The following GLI3 variants were observed in gnomAD, a reference collection of about 807,000 sequenced individuals.
GLI3 encodes the protein GLI family zinc finger 3, also known as transcription activator GLI3.
GLI3 carries 20 observed loss-of-function variants against 100.8 expected under a neutral mutation model. That is an observed-to-expected ratio of 0.20 (90% CI 0.14 to 0.29). The LOEUF is 0.29. GLI3 is among the 10% of genes least tolerant of loss of function. The pLI is 1.00. For synonymous variants in GLI3, 938 were observed against 860.5 expected (o/e 1.09, Z -1.58); for missense variants, 2,040 against 2,128.5 (o/e 0.96, Z 0.82).
chr7:41,996,288 A>T lies in GLI3; in HGVS notation c.1498-17540T>A, dbSNP rs142782326. 8.7e-3 allele frequency among the ~76,000 whole-genome samples: 1,309 copies of T among 150,692 alleles called. 10 individuals carry two copies. The highest frequency in any genetic ancestry group is 0.03 in the African/African-American group (1,230 of 41,044). The stretch of plus-strand genomic sequence containing the variant: ...TTAAAAATTATTTGTTGGAACAATT[A>T]TTTTTTTTTTCCTCGAGTCCACATT... On this transcript the variant is annotated intron_variant, in intron 10 of 14. Coordinates refer to ENST00000395925, the MANE Select transcript of GLI3 (RefSeq NM_000168.6).
At position 42,096,561 on chromosome 7, in the gene GLI3, C is replaced by T. The variant is rs3779147; in HGVS notation, c.368-19704G>A. ...TTCAGCCTGAAGGACGCATTCAAAG[C>T]GGTCACACCTTTGCTGCCCACTGGC... On this transcript the variant is annotated intron_variant, in intron 3 of 14. Coordinates refer to ENST00000395925, the MANE Select transcript of GLI3 (RefSeq NM_000168.6). Among the ~76,000 whole-genome samples the T allele has an allele frequency of 5.1e-3, 771 of 152,268 alleles. 12 individuals carry two copies. Among genetic ancestry groups the T allele is most frequent in the East Asian group, 0.048 (248 of 5,174 alleles).
chr7:42,179,759 G>C (rs1787554000), intron 2 of GLI3, among the ~76,000 whole-genome samples: 1 of 152,180 alleles, frequency 6.6e-6, no homozygotes, highest in Non-Finnish European at 1.5e-5. Context: ...AGGGAGTGGG[G>C]AATATGGTTC....
intron 2 of GLI3, among the ~76,000 whole-genome samples, chr7:42,217,488 C>A (rs969572174): frequency 6.6e-6 from 1 of 152,152 alleles, no homozygotes; most frequent in African/African-American, 2.4e-5. Flanking sequence ...ACCACCAGTT[C>A]AACCCAGGAA....
chr7:42,073,671 C>G (rs1784826146), intron 4 of GLI3, among the ~76,000 whole-genome samples: 1 of 152,160 alleles, frequency 6.6e-6, no homozygotes, highest in Admixed American at 6.5e-5. Flanking sequence ...TTCTTCTAAA[C>G]AGAGATCTGT....
chr7:42,022,836 A>G (rs950352037), intron 10 of GLI3, among the ~76,000 whole-genome samples: 1 of 152,172 alleles, frequency 6.6e-6, no homozygotes, highest in Non-Finnish European at 1.5e-5. Context: ...GTGTGTAAAA[A>G]TTTCTGAACC....
chr7:42,000,532 G>T (rs1380289451), intron 10 of GLI3, among the ~76,000 whole-genome samples: 1 of 152,108 alleles, frequency 6.6e-6, no homozygotes, highest in African/African-American at 2.4e-5. Flanking sequence ...GGACAAGGGG[G>T]AGGACCACTA....
intron 10 of GLI3, among the ~76,000 whole-genome samples, chr7:41,991,221 T>A (rs1787979236): frequency 6.6e-6 from 1 of 152,192 alleles, no homozygotes; most frequent in Admixed American, 6.5e-5. Flanking sequence ...CAATTAAAAG[T>A]AAGCTACTCA....
intron 1 of GLI3, among the ~76,000 whole-genome samples, chr7:42,229,798 C>T (rs1338168741): frequency 6.6e-6 from 1 of 151,906 alleles, no homozygotes; most frequent in Non-Finnish European, 1.5e-5. Flanking sequence ...TCAAGAAGTA[C>T]AAACTAATGT....
chr7:42,217,624 G>T (rs935174184), intron 2 of GLI3, among the ~76,000 whole-genome samples: 1 of 152,062 alleles, frequency 6.6e-6, no homozygotes, highest in African/African-American at 2.4e-5. Flanking sequence ...CCTATTTTCC[G>T]ATTTAAGAAG....
chr7:42,169,519 T>C (rs1262475759), intron 2 of GLI3, among the ~76,000 whole-genome samples: 2 of 152,228 alleles, frequency 1.3e-5, no homozygotes, highest in Non-Finnish European at 2.9e-5. Flanking sequence ...TTGGTGCATG[T>C]TGAATACTCA....
chr7:41,999,236 A>G (rs1005294817), intron 10 of GLI3, among the ~76,000 whole-genome samples: 5 of 152,180 alleles, frequency 3.3e-5, no homozygotes, highest in African/African-American at 1.2e-4. Context: ...AAAGTGACCT[A>G]GGACACCTGC....
chr7:42,048,642 G>A lies in GLI3; in HGVS notation c.528C>T (p.Ile176=), dbSNP rs539622820. 17 of 1,610,934 alleles carry A rather than the reference G, an allele frequency of 1.1e-5. No homozygotes were observed. In the Admixed American group the frequency reaches 2.0e-4, roughly 19 times the overall value. Residue 176 remains isoleucine, a synonymous_variant, in exon 5 of 15, where the codon ATC becomes ATT. Coordinates refer to ENST00000395925, the MANE Select transcript of GLI3 (RefSeq NM_000168.6). ...CAGCAGTGGGGTTCCGGTGTGGGGA[G>A]ATCCTAATGAAGGGCAGGTCCGGAT... ...PTYPDLPFIR[I]SPHRNPTAAS...
intron 2 of GLI3, among the ~76,000 whole-genome samples, chr7:42,172,271 A>G (rs1787389198): frequency 6.6e-6 from 1 of 150,504 alleles, no homozygotes; most frequent in Non-Finnish European, 1.5e-5. Context: ...CAAAGGGCAG[A>G]GGGTGGGGGT....
intron 2 of GLI3, among the ~76,000 whole-genome samples, chr7:42,157,160 C>A (rs1787021983): frequency 6.6e-6 from 1 of 152,204 alleles, no homozygotes; most frequent in South Asian, 2.1e-4. Flanking sequence ...AGCCTCTGGG[C>A]AAAGGCCAGG....
chr7:42,219,392 C>A (rs537142712), intron 2 of GLI3, among the ~76,000 whole-genome samples: 1 of 151,990 alleles, frequency 6.6e-6, no homozygotes, highest in South Asian at 2.1e-4. Context: ...GATATAGGTT[C>A]CTAAATGTTA....
At chr7:42,035,170 G>A (rs928426507) in intron 7 of GLI3, among the ~76,000 whole-genome samples, 14 of 122,896 alleles carry the variant, frequency 1.1e-4, no homozygotes, top group African/African-American at 4.7e-4. Flanking sequence ...TTTTAAAGAC[G>A]TCGGTAATTT....
chr7:41,999,584 G>A (rs1444975575), intron 10 of GLI3, among the ~76,000 whole-genome samples: 1 of 151,896 alleles, frequency 6.6e-6, no homozygotes, highest in Admixed American at 6.6e-5. Flanking sequence ...TGCATCAGGG[G>A]CCCTGAAGCT....
chr7:42,191,831 C>T (rs894446335), intron 2 of GLI3, among the ~76,000 whole-genome samples: 7 of 152,084 alleles, frequency 4.6e-5, no homozygotes, highest in Admixed American at 2.0e-4. Context: ...ATATCCTGCC[C>T]GAAGTCTCAC....
chr7:42,102,551 C>A (rs754968046), intron 3 of GLI3, among the ~76,000 whole-genome samples: 1 of 152,218 alleles, frequency 6.6e-6, no homozygotes, highest in African/African-American at 2.4e-5. Flanking sequence ...CTGGCTGATG[C>A]AGGAGGAAAA....
Sources: gnomAD v4.1 joint callset for allele counts (sites outside exome capture counted in the v4.1 genomes callset) on GRCh38, gnomAD v4.1.1 for gene constraint, MANE v1.5 for transcripts, NCBI Gene and HGNC (gene_info 2026-07-23, HGNC 2026-07-21) for gene names.